The following TWSG1 variants were observed in gnomAD, a reference collection of about 807,000 sequenced individuals.
The protein encoded by TWSG1 is twisted gastrulation BMP signaling modulator 1.
A neutral mutation model predicts 23.0 loss-of-function variants in TWSG1; 15 were observed. The observed-to-expected ratio is 0.65, with a 90% CI of 0.44 to 1.00. TWSG1 has a LOEUF of 1.00. Among genes scored for constraint, TWSG1 ranks in the 50% least tolerant of loss-of-function variants. The pLI is 0.00. For synonymous variants in TWSG1, 86 were observed against 92.8 expected, an observed-to-expected ratio of 0.93 and a Z score of 0.42; for missense variants, 242 against 278.7, an observed-to-expected ratio of 0.87 and a Z score of 0.94.
chr18:9,396,779 G>A (rs62087493), intron 4 of TWSG1: 20,038 of 591,506 alleles, frequency 0.034, 418 homozygotes, highest in Middle Eastern at 0.045. Context: ...AAGGCATGTC[G>A]GCTGGGCGTG....
chr18:9,379,522 G>A (rs2040646589), intron 3 of TWSG1, among the ~76,000 whole-genome samples: 1 of 152,102 alleles, frequency 6.6e-6, no homozygotes, highest in Admixed American at 6.6e-5. Context: ...GAGGGTGGAG[G>A]ACGGGAGGAG....
intron 2 of TWSG1, among the ~76,000 whole-genome samples, chr18:9,339,204 CAAA>C (rs72257920): frequency 1.4e-5 from 2 of 141,798 alleles, no homozygotes; most frequent in Non-Finnish European, 1.5e-5. Context: ...GACCCTGTCT[CAAA>C]AAAAAAAAAA....
intron 2 of TWSG1, among the ~76,000 whole-genome samples, chr18:9,350,537 T>C (rs747954889): frequency 1.3e-5 from 2 of 152,194 alleles, no homozygotes; most frequent in Non-Finnish European, 2.9e-5. Context: ...GCTGGATTCT[T>C]TTAAAGAAAT....
chr18:9,356,933 C>A (rs1188243475), intron 2 of TWSG1, among the ~76,000 whole-genome samples: 1 of 136,142 alleles, frequency 7.3e-6, no homozygotes, highest in Admixed American at 7.8e-5. Context: ...TTTTAAAAAG[C>A]TTTATTTCTT....
intron 3 of TWSG1, among the ~76,000 whole-genome samples, chr18:9,369,832 C>A (rs1395784725): frequency 6.6e-6 from 1 of 152,062 alleles, no homozygotes; most frequent in African/African-American, 2.4e-5. Flanking sequence ...TGCCCAGCCC[C>A]CTGAGTTCGT....
At chr18:9,351,087 C>T (rs8097654) in intron 2 of TWSG1, among the ~76,000 whole-genome samples, 101,168 of 151,900 alleles carry the variant, frequency 0.67, 34,165 homozygotes, top group Middle Eastern at 0.74. Flanking sequence ...TAGCTCAAGA[C>T]ATTATAAATA....
intron 2 of TWSG1, among the ~76,000 whole-genome samples, chr18:9,339,796 CTG>C (rs1389439535): frequency 6.6e-6 from 1 of 151,302 alleles, no homozygotes; most frequent in African/African-American, 2.4e-5. Flanking sequence ...GAGCAAGACT[CTG>C]TCTCAAAAAA....
At chr18:9,366,853 T>C (rs1026824568) in intron 3 of TWSG1, among the ~76,000 whole-genome samples, 3 of 152,220 alleles carry the variant, frequency 2.0e-5, no homozygotes, top group African/African-American at 7.2e-5. Flanking sequence ...TTGAAATATG[T>C]ATACATTGTG....
intron 3 of TWSG1, among the ~76,000 whole-genome samples, chr18:9,368,970 G>A (rs1409149967): frequency 6.7e-6 from 1 of 148,580 alleles, no homozygotes; most frequent in Non-Finnish European, 1.5e-5. Flanking sequence ...TTAGCTGAGT[G>A]TGGTGGCACA....
intron 3 of TWSG1, among the ~76,000 whole-genome samples, chr18:9,362,242 A>C (rs1471508913): frequency 6.6e-6 from 1 of 152,048 alleles, no homozygotes; most frequent in Non-Finnish European, 1.5e-5. Flanking sequence ...GGGTCTTGCT[A>C]TGTTGCCTAG....
At chr18:9,337,419 C>T (rs1191865006) in intron 2 of TWSG1, 67 bp downstream of exon 2, 13 of 1,547,802 alleles carry the variant, frequency 8.4e-6, no homozygotes, top group Non-Finnish European at 1.1e-5. Context: ...TGTTTATATA[C>T]AGATATAGAG....
At chr18:9,371,987 G>T (rs1185688077) in intron 3 of TWSG1, among the ~76,000 whole-genome samples, 1 of 148,954 alleles carries the variant, frequency 6.7e-6, no homozygotes, top group Non-Finnish European at 1.5e-5. Context: ...GACTGGTCTC[G>T]AACTCCTGAC....
intron 2 of TWSG1, among the ~76,000 whole-genome samples, chr18:9,344,582 G>T (rs1172970198): frequency 1.4e-5 from 2 of 146,870 alleles, no homozygotes; most frequent in Non-Finnish European, 3.0e-5. Flanking sequence ...AGGCTGGAGT[G>T]CAGTGGTGCA....
intron 3 of TWSG1, 132 bp from the exon 4 acceptor site, chr18:9,396,148 A>G (rs559174503): frequency 7.4e-5 from 3 of 40,522 alleles, no homozygotes; most frequent in Admixed American, 2.4e-4. Context: ...CTCACCCAGC[A>G]AAAAAAAAAA....
At chr18:9,360,160 T>G in intron 3 of TWSG1, 89 bp downstream of exon 3, 1 of 1,026,826 alleles carries the variant, frequency 9.7e-7, no homozygotes, top group South Asian at 1.4e-5. Context: ...ATGTAGTTTA[T>G]GTGCATAAAC....
intron 2 of TWSG1, among the ~76,000 whole-genome samples, chr18:9,351,433 A>G (rs2040501417): frequency 6.6e-6 from 1 of 151,952 alleles, no homozygotes; most frequent in Non-Finnish European, 1.5e-5. Context: ...GCATTATTTT[A>G]TGTTTCTTTG....
Position 9,381,358 on chromosome 18 carries a change from G to A in TWSG1, c.224-14922G>A, listed in dbSNP as rs542742825. On this transcript the variant is annotated intron_variant, in intron 3 of 4. Transcript: ENST00000262120. ...AAAATTCAGTCTTTTGTGCTGTGTT[G>A]TAGTGGTTGAAGTATATAAAGAAAA... 5.3e-5 allele frequency among the ~76,000 whole-genome samples: 8 copies of A among 152,242 alleles called. No homozygotes were observed. In the South Asian group the frequency reaches 1.7e-3, roughly 32 times the overall value.
chr18:9,377,232 T>G (rs569815765), intron 3 of TWSG1, among the ~76,000 whole-genome samples: 138 of 152,034 alleles, frequency 9.1e-4, no homozygotes, highest in South Asian at 2.3e-3. Context: ...TTTTTTTTTT[T>G]TGGGGGGACA....
intron 2 of TWSG1, among the ~76,000 whole-genome samples, chr18:9,350,151 A>G (rs182278777): frequency 6.6e-6 from 1 of 152,172 alleles, no homozygotes; most frequent in Admixed American, 6.5e-5. Context: ...AAAAAAAAAA[A>G]AGTTGTGGCG....
Sources: allele counts gnomAD v4.1 joint callset (sites outside exome capture counted in the v4.1 genomes callset), GRCh38; gene constraint gnomAD v4.1.1; transcripts MANE v1.5; gene names NCBI Gene and HGNC (gene_info 2026-07-23, HGNC 2026-07-21).